CCDC62: variants seen among roughly 807,000 people sequenced by gnomAD.
The protein encoded by CCDC62 is coiled-coil domain-containing protein 62.
A neutral mutation model predicts 80.8 loss-of-function variants in CCDC62; 72 were observed. The ratio of observed to expected loss-of-function variants is 0.89; its 90% CI spans 0.74 to 1.08. CCDC62 has a LOEUF of 1.08. CCDC62 is among the 50% of genes least tolerant of loss of function. The pLI, the probability that CCDC62 is intolerant of heterozygous loss-of-function variation, is 0.00. For synonymous variants in CCDC62, 286 were observed against 296.5 expected (o/e 0.96, Z 0.36); for missense variants, 704 against 809.4 (o/e 0.87, Z 1.58).
At chr12:122,817,800 A>ATG (rs914907347) in intron 11 of CCDC62, among the ~76,000 whole-genome samples, 4 of 151,050 alleles carry the variant, frequency 2.6e-5, no homozygotes, top group South Asian at 2.1e-4. Flanking sequence ...GTGCCTGCAC[A>ATG]TGTGTGTGTG....
At chr12:122,780,506 C>T (rs978841959) in intron 2 of CCDC62, among the ~76,000 whole-genome samples, 5 of 148,226 alleles carry the variant, frequency 3.4e-5, no homozygotes, top group Non-Finnish European at 6.0e-5. Context: ...CCCAGCTACT[C>T]GGGAGGCTGA....
chr12:122,815,222 G>A (rs1025093109), intron 11 of CCDC62, among the ~76,000 whole-genome samples: 2 of 151,914 alleles, frequency 1.3e-5, no homozygotes, highest in Non-Finnish European at 2.9e-5. Flanking sequence ...GGGATTACAC[G>A]TACACGAAAC....
chr12:122,799,016 G>A (rs2031134012), intron 8 of CCDC62, among the ~76,000 whole-genome samples: 1 of 152,124 alleles, frequency 6.6e-6, no homozygotes, highest in African/African-American at 2.4e-5. Context: ...GGAGGCAGAG[G>A]TTGCAGTGAG....
chr12:122,790,202 C>G (rs1288612337), intron 5 of CCDC62, among the ~76,000 whole-genome samples: 1 of 152,102 alleles, frequency 6.6e-6, no homozygotes, highest in Non-Finnish European at 1.5e-5. Flanking sequence ...AGGTGGGTGC[C>G]ACCATGCCCG....
At chr12:122,803,067 A>G (rs1479277136) in intron 9 of CCDC62, among the ~76,000 whole-genome samples, 1 of 152,050 alleles carries the variant, frequency 6.6e-6, no homozygotes, top group Non-Finnish European at 1.5e-5. Flanking sequence ...AAAAATTGAG[A>G]TGAGGTGACA....
At chr12:122,787,600 A>C (rs1312379147) in intron 4 of CCDC62, among the ~76,000 whole-genome samples, 1 of 151,644 alleles carries the variant, frequency 6.6e-6, no homozygotes, top group African/African-American at 2.4e-5. Context: ...AAAATACAAA[A>C]ATTAGCTGGG....
At position 122,801,452 on chromosome 12, in the gene CCDC62, A is replaced by C. The variant is rs763572618; in HGVS notation, c.1306A>C (p.Lys436Gln). ...TLCKIHTKSP[K>Q]CHGTGVQNEG... ...GTGCAAGATCCACACAAAATCACCA[A>C]AATGTCATGGCACTGGGGTTCAGAA... The change falls in exon 9 of 13, where the codon AAA becomes CAA. Residue 436 changes from lysine to glutamine, a missense_variant. Transcript: ENST00000253079. 1 of 1,614,146 alleles carries C rather than the reference A, an allele frequency of 6.2e-7. No individual in the cohort carries two copies. The highest frequency in any genetic ancestry group is 2.2e-5 in the East Asian group (1 of 44,892).
chr12:122,806,059 T>G, intron 9 of CCDC62, 92 bp from the exon 10 acceptor site: 1 of 1,175,132 alleles, frequency 8.5e-7, no homozygotes. Context: ...AAAACACTTA[T>G]TTGTCCTTTT....
At chr12:122,815,540 G>A (rs1008687273) in intron 11 of CCDC62, among the ~76,000 whole-genome samples, 22 of 151,728 alleles carry the variant, frequency 1.4e-4, no homozygotes, top group African/African-American at 3.4e-4. Context: ...TCCGCCTCCC[G>A]GGTTCACGCC....
At chr12:122,783,417 G>A (rs2029995914) in intron 3 of CCDC62, among the ~76,000 whole-genome samples, 1 of 151,802 alleles carries the variant, frequency 6.6e-6, no homozygotes, top group East Asian at 2.0e-4. Context: ...TAGTAGAGAC[G>A]GGGTTTCACC....
intron 4 of CCDC62, among the ~76,000 whole-genome samples, 176 bp from the exon 5 acceptor site, chr12:122,788,582 C>G (rs1167515012): frequency 6.6e-6 from 1 of 152,160 alleles, no homozygotes; most frequent in Non-Finnish European, 1.5e-5. Context: ...TCATCTGTCA[C>G]TTGGCAAGAA....
chr12:122,815,180 G>C (rs1298942676), intron 11 of CCDC62, among the ~76,000 whole-genome samples: 1 of 152,136 alleles, frequency 6.6e-6, no homozygotes, highest in Non-Finnish European at 1.5e-5. Flanking sequence ...CCAGGCTCAA[G>C]TGATCTTCCC....
At chr12:122,809,768 ATAC>A (rs1467126056) in intron 10 of CCDC62, among the ~76,000 whole-genome samples, 8 of 152,234 alleles carry the variant, frequency 5.3e-5, no homozygotes, top group African/African-American at 1.7e-4. Context: ...ACTTCAAACT[ATAC>A]TACAAGGCTA....
rs147324639 is a variant in CCDC62 at position 122,797,510 on chromosome 12, A to G, written c.861+115A>G. On this transcript the variant is annotated intron_variant, in intron 7 of 12. Coordinates refer to ENST00000253079, the MANE Select transcript of CCDC62 (RefSeq NM_201435.5). ...TAATTGGTGATTTGGAATCCTAACT[A>G]CATTAGTTGTATATCATGTTTATTT... is the stretch of plus-strand genomic sequence containing the variant. The G allele has an allele frequency of 3.1e-4, 189 of 605,106 alleles. No homozygotes were observed. In the African/African-American group the frequency reaches 3.1e-3, roughly 10 times the overall value. 37.5% of individuals were successfully genotyped at this position (605,106 alleles called of 1,614,324 possible).
intron 6 of CCDC62, among the ~76,000 whole-genome samples, chr12:122,796,114 G>A (rs758140180): frequency 6.6e-6 from 1 of 152,102 alleles, no homozygotes. Flanking sequence ...TTATGCAAAA[G>A]TAGATTATTC....
intron 2 of CCDC62, among the ~76,000 whole-genome samples, chr12:122,780,250 G>C (rs1425637041): frequency 2.6e-5 from 4 of 150,956 alleles, no homozygotes; most frequent in African/African-American, 7.3e-5. Context: ...GGTGGAGGTT[G>C]CAGTAAGCCG....
chr12:122,794,444 C>G (rs1004037153), intron 6 of CCDC62, among the ~76,000 whole-genome samples: 1 of 152,170 alleles, frequency 6.6e-6, no homozygotes, highest in African/African-American at 2.4e-5. Flanking sequence ...ATCCTCCTAC[C>G]TCTGCCTCCC....
intron 2 of CCDC62, among the ~76,000 whole-genome samples, chr12:122,780,214 G>A (rs1879752380): frequency 6.6e-6 from 1 of 151,792 alleles, no homozygotes; most frequent in Non-Finnish European, 1.5e-5. Flanking sequence ...GGGAGGCTGA[G>A]GCAGAAGAAT....
intron 10 of CCDC62, among the ~76,000 whole-genome samples, chr12:122,812,275 T>G (rs1179812230): frequency 6.6e-6 from 1 of 151,768 alleles, no homozygotes; most frequent in African/African-American, 2.4e-5. Flanking sequence ...AAACCCTGTC[T>G]CTACTAAAAA....
Sources: gnomAD v4.1 joint callset for allele counts (sites outside exome capture counted in the v4.1 genomes callset) on GRCh38, gnomAD v4.1.1 for gene constraint, MANE v1.5 for transcripts, NCBI Gene and HGNC (gene_info 2026-07-23, HGNC 2026-07-21) for gene names.